Variants in CRTAC1 observed in about 807,000 individuals in gnomAD.
CRTAC1 encodes cartilage acidic protein 1.
In CRTAC1, 37 loss-of-function variants were observed where a neutral mutation model predicts 67.8. The ratio of observed to expected loss-of-function variants is 0.55; its 90% CI spans 0.42 to 0.72. The LOEUF (loss-of-function observed/expected upper bound fraction) is 0.72, where lower values mean the gene tolerates loss of function less well. Ranked by LOEUF, CRTAC1 falls within the 30% of genes least tolerant of loss-of-function variation. The pLI is 0.00. For missense variants in CRTAC1, 780 were observed against 931.6 expected, an observed-to-expected ratio of 0.84 and a Z score of 2.12; for synonymous variants, 348 against 371.0, an observed-to-expected ratio of 0.94 and a Z score of 0.71.
At chr10:97,936,029 G>T (rs1262376676) in intron 3 of CRTAC1, 141 bp downstream of exon 3, 6 of 730,362 alleles carry the variant, frequency 8.2e-6, no homozygotes, top group Non-Finnish European at 1.3e-5. Flanking sequence ...ACCCAGGGAG[G>T]TCCTGTGGCA....
intron 14 of CRTAC1, chr10:97,868,495 A>G (rs893493094): frequency 2.0e-5 from 3 of 152,266 alleles, no homozygotes; most frequent in Admixed American, 1.3e-4. Context: ...CTGTGGGGAC[A>G]ACGGCTCCAG....
chr10:97,930,962 C>T (rs1235872716), intron 3 of CRTAC1, among the ~76,000 whole-genome samples: 1 of 151,234 alleles, frequency 6.6e-6, no homozygotes, highest in African/African-American at 2.4e-5. Flanking sequence ...GTATTTTAAA[C>T]TTGTCCTATA....
At chr10:97,909,456 A>C (rs904397115) in intron 5 of CRTAC1, among the ~76,000 whole-genome samples, 12 of 152,118 alleles carry the variant, frequency 7.9e-5, no homozygotes, top group African/African-American at 2.9e-4. Context: ...AAAATGGGGG[A>C]GAGTCCGACC....
Position 98,030,577 on chromosome 10 carries a change from C to T in CRTAC1, c.-105G>A. 4 of 807,002 alleles carry T rather than the reference C, an allele frequency of 5.0e-6. No individual in the cohort carries two copies. Among genetic ancestry groups the T allele is most frequent in the Non-Finnish European group, 6.7e-6 (4 of 598,012 alleles). The allele number at this position is 807,002 out of a possible 1,614,324, so 50.0% of individuals were successfully genotyped here. ...GCTTGCTCCCAGCCCCGGTCCCGGG[C>T]TGGCCTCGAGCCTCCCGCCCCGACG... On this transcript the variant is annotated 5_prime_UTR_variant, in exon 1 of 15. Coordinates refer to ENST00000370597, the MANE Select transcript of CRTAC1 (RefSeq NM_018058.7). The surrounding 1 kb of genome is among the most constrained non-coding windows in gnomAD (Gnocchi z 4.2).
At chr10:97,967,877 C>T (rs1468804548) in intron 2 of CRTAC1, among the ~76,000 whole-genome samples, 1 of 152,116 alleles carries the variant, frequency 6.6e-6, no homozygotes. Flanking sequence ...ATTGTTGAAA[C>T]AGAAGTGCCA....
chr10:97,975,343 C>T lies in CRTAC1; in HGVS notation c.224+35795G>A, dbSNP rs938823691. ...GCCAGGGCCGGTTCCTGACCCGCCT[C>T]CTGGCTGGAGGGTTCAAAAGACTTC... On this transcript the variant is annotated intron_variant, in intron 2 of 14. Transcript: ENST00000370597. The surrounding 1 kb of genome is among the most constrained non-coding windows in gnomAD (Gnocchi z 4.8). Among the ~76,000 whole-genome samples, 9 of 151,984 alleles carry T rather than the reference C, an allele frequency of 5.9e-5. No individual in the cohort carries two copies. Among genetic ancestry groups the T allele is most frequent in the Non-Finnish European group, 1.2e-4 (8 of 67,978 alleles).
At chr10:97,965,623 T>C (rs1228014352) in intron 2 of CRTAC1, among the ~76,000 whole-genome samples, 1 of 152,202 alleles carries the variant, frequency 6.6e-6, no homozygotes, top group East Asian at 1.9e-4. Context: ...TGTTTTTTTT[T>C]TTAAACTGGA....
chr10:97,918,542 T>C (rs2050790940), intron 4 of CRTAC1, among the ~76,000 whole-genome samples: 1 of 152,238 alleles, frequency 6.6e-6, no homozygotes. Context: ...TCTTAAGCTC[T>C]AACTATGTGC....
At chr10:97,884,484 T>G (rs2050254930) in intron 11 of CRTAC1, 133 bp from the exon 12 acceptor site, 2 of 840,460 alleles carry the variant, frequency 2.4e-6, no homozygotes, top group Non-Finnish European at 3.7e-6. Context: ...AGGGAAATGG[T>G]GAACAAGACA....
intron 13 of CRTAC1, among the ~76,000 whole-genome samples, chr10:97,881,638 G>T (rs1590177650): frequency 1.3e-5 from 2 of 150,136 alleles, no homozygotes; most frequent in Admixed American, 1.3e-4. Context: ...GATCTCAAAG[G>T]GTCCTTCCTG....
chr10:97,925,208 C>CTGCA (rs1229591958), intron 3 of CRTAC1, among the ~76,000 whole-genome samples: 1 of 152,170 alleles, frequency 6.6e-6, no homozygotes, highest in African/African-American at 2.4e-5. Context: ...GAGGTAGAGG[C>CTGCA]TGCAGTGAGC....
intron 2 of CRTAC1, among the ~76,000 whole-genome samples, chr10:97,977,859 G>A (rs564171864): frequency 1.1e-4 from 17 of 152,224 alleles, no homozygotes; most frequent in African/African-American, 1.4e-4. Flanking sequence ...CAGTATGTAC[G>A]GCCTGAGCTG....
Position 97,865,370 on chromosome 10 carries a change from C to G in CRTAC1, c.*178G>C. The G allele has an allele frequency of 1.4e-6, 1 of 711,840 alleles. No individual in the cohort carries two copies. The highest frequency in any genetic ancestry group is 2.2e-6 in the Non-Finnish European group (1 of 458,880). The allele number at this position is 711,840 out of a possible 1,614,324, so 44.1% of individuals were successfully genotyped here. ...GTCTGCTGTGATCACAGCTATGTGCCCAGCACAGGGCCTGGCCTTACGAGT... is the reference window on the plus strand; with the variant it reads ...GTCTGCTGTGATCACAGCTATGTGCGCAGCACAGGGCCTGGCCTTACGAGT... On this transcript the variant is annotated 3_prime_UTR_variant, in exon 15 of 15. Transcript: ENST00000370597.
chr10:97,940,236 G>A (rs921067349), intron 2 of CRTAC1, among the ~76,000 whole-genome samples: 12 of 152,226 alleles, frequency 7.9e-5, no homozygotes, highest in African/African-American at 2.7e-4. Flanking sequence ...TGGAGACTGA[G>A]GTTCAGAGGT....
chr10:97,922,983 A>AG (rs1332189301), intron 4 of CRTAC1, among the ~76,000 whole-genome samples: 1 of 152,170 alleles, frequency 6.6e-6, no homozygotes, highest in Non-Finnish European at 1.5e-5. Context: ...GCTCCCATGC[A>AG]AGTCACTGCT....
rs755401919 is a variant in CRTAC1, at chr10:97,865,709, G to A, written c.1825C>T (p.Leu609Phe). 2 of 1,602,466 alleles carry A rather than the reference G, an allele frequency of 1.2e-6. No individual in the cohort carries two copies. The highest frequency in any genetic ancestry group is 2.2e-5 in the South Asian group (2 of 89,616). ...GGGCGGGGGCCCGGTGACTGGCCGA[G>A]AGTCCCTGTAGGGAGGTGTATGGCC... is the stretch of plus-strand genomic sequence containing the variant. ...NEDGTACVGT[L>F]GQSPGPRPTT... Residue 609 changes from leucine to phenylalanine, a missense_variant, in exon 15 of 15, where the codon CTC becomes TTC. By Grantham distance (22) the Leu-to-Phe change is conservative (BLOSUM62 0). Transcript: ENST00000370597.
intron 2 of CRTAC1, among the ~76,000 whole-genome samples, chr10:98,003,587 T>C (rs529480191): frequency 2.5e-4 from 38 of 152,250 alleles, no homozygotes; most frequent in Non-Finnish European, 5.4e-4. Flanking sequence ...TTAAGACCTT[T>C]TGATTACATT....
intron 2 of CRTAC1, among the ~76,000 whole-genome samples, chr10:97,939,949 T>G (rs547752132): frequency 1.3e-5 from 2 of 152,344 alleles, no homozygotes; most frequent in South Asian, 4.1e-4. Context: ...CATGTGCTTC[T>G]TGAGCTCAGG....
intron 1 of CRTAC1, among the ~76,000 whole-genome samples, chr10:98,026,984 A>G (rs1843246011): frequency 6.6e-6 from 1 of 152,068 alleles, no homozygotes; most frequent in Non-Finnish European, 1.5e-5. Context: ...TTGAGACCAC[A>G]GTGAAACCCC....
Sources: allele counts gnomAD v4.1 joint callset (sites outside exome capture counted in the v4.1 genomes callset), GRCh38; gene constraint gnomAD v4.1.1; non-coding constraint Gnocchi (gnomAD v3.1); transcripts MANE v1.5; gene names NCBI Gene and HGNC (gene_info 2026-07-23, HGNC 2026-07-21).